The following FNDC1 variants were observed in gnomAD, a reference collection of about 807,000 sequenced individuals.
FNDC1 encodes fibronectin type III domain containing 1.
In FNDC1, 96 loss-of-function variants were observed where a neutral mutation model predicts 168.0. That is an observed-to-expected ratio of 0.57 (90% CI 0.48 to 0.68). The LOEUF is 0.68. Among genes scored for constraint, FNDC1 ranks in the 30% least tolerant of loss-of-function variants. The pLI, the probability that FNDC1 is intolerant of heterozygous loss-of-function variation, is 0.00. For missense variants in FNDC1, 2,587 were observed against 2,482.1 expected, an observed-to-expected ratio of 1.04 and a Z score of -0.90; for synonymous variants, 1,099 against 1,025.9, an observed-to-expected ratio of 1.07 and a Z score of -1.36.
At chr6:159,227,351 A>G (rs1441717903) in intron 9 of FNDC1, among the ~76,000 whole-genome samples, 1 of 152,214 alleles carries the variant, frequency 6.6e-6, no homozygotes, top group Admixed American at 6.5e-5. Context: ...AATAATTTTT[A>G]TTGTTATTAG....
rs375577455 is a variant in FNDC1, at chr6:159,202,963, C to T, written c.460+2382C>T. Among the ~76,000 whole-genome samples the T allele has an allele frequency of 3.5e-4, 54 of 152,244 alleles. No individual in the cohort carries two copies. In the South Asian group the frequency reaches 9.5e-3, roughly 27 times the overall value. On this transcript the variant is annotated intron_variant, in intron 4 of 22. Transcript: ENST00000297267. ...TATTGGGTCTAGAAGTCCAAAGTCCCGATGTTGGCAGGTTTGATTTCTCCT... is the reference window on the plus strand; with the variant it reads ...TATTGGGTCTAGAAGTCCAAAGTCCTGATGTTGGCAGGTTTGATTTCTCCT...
At chr6:159,187,459 TGTACA>T (rs1375657616) in intron 1 of FNDC1, among the ~76,000 whole-genome samples, 1 of 152,206 alleles carries the variant, frequency 6.6e-6, no homozygotes, top group Non-Finnish European at 1.5e-5. Flanking sequence ...TTTTATTTTT[TGTACA>T]GTTATCCTTA....
chr6:159,200,148 G>T, intron 3 of FNDC1, 66 bp downstream of exon 3: 1 of 1,143,200 alleles, frequency 8.7e-7, no homozygotes, highest in Non-Finnish European at 1.3e-6. Context: ...ATCCCTCCTT[G>T]CTTCTTCCAG....
chr6:159,263,963 C>A (rs118059625), intron 19 of FNDC1, among the ~76,000 whole-genome samples: 4,680 of 152,128 alleles, frequency 0.031, 107 homozygotes, highest in Non-Finnish European at 0.048. Flanking sequence ...CTCAAACAAA[C>A]AAACAAACAA....
intron 16 of FNDC1, among the ~76,000 whole-genome samples, chr6:159,250,114 A>G (rs1047273428): frequency 6.6e-6 from 1 of 152,172 alleles, no homozygotes; most frequent in Non-Finnish European, 1.5e-5. Context: ...TAGCTGTTCC[A>G]CAGAACTCCT....
In FNDC1 at chr6:159,271,668, A is replaced by G; in HGVS notation, c.*226A>G. On this transcript the variant is annotated 3_prime_UTR_variant, in exon 23 of 23. Coordinates refer to ENST00000297267, the MANE Select transcript of FNDC1 (RefSeq NM_032532.3). ...GTTTTGCTGTTAACTTTGCTTCTCTACTTTTTTTTGTTTGTTTGTAATAGC... is the reference window on the plus strand; with the variant it reads ...GTTTTGCTGTTAACTTTGCTTCTCTGCTTTTTTTTGTTTGTTTGTAATAGC... The G allele has an allele frequency of 2.3e-6, 1 of 441,406 alleles. No homozygotes were observed. Among genetic ancestry groups the G allele is most frequent in the Non-Finnish European group, 4.1e-6 (1 of 241,186 alleles). The allele number at this position is 441,406 out of a possible 1,614,324, so 27.3% of individuals were successfully genotyped here. A position where few individuals can be genotyped will look rare whatever the true frequency, so the allele number is the denominator to read the frequency against.
intron 1 of FNDC1, among the ~76,000 whole-genome samples, chr6:159,182,526 C>A (rs1781903202): frequency 6.6e-6 from 1 of 152,194 alleles, no homozygotes; most frequent in Non-Finnish European, 1.5e-5. Context: ...GGGAGGACTT[C>A]CTTTCCCCTG....
chr6:159,190,357 C>T (rs1408274603), intron 1 of FNDC1, among the ~76,000 whole-genome samples: 2 of 152,242 alleles, frequency 1.3e-5, no homozygotes, highest in African/African-American at 2.4e-5. Context: ...GCCTGGTCGG[C>T]CTTCTTTCTT....
chr6:159,269,351 G>A (rs761441196), intron 22 of FNDC1, among the ~76,000 whole-genome samples: 1,191 of 29,840 alleles, frequency 0.04, 55 homozygotes, highest in Non-Finnish European at 0.079. Flanking sequence ...CTATCCATTT[G>A]TTTATCTAGG....
chr6:159,202,685 A>G (rs1782404798), intron 4 of FNDC1, among the ~76,000 whole-genome samples: 1 of 152,232 alleles, frequency 6.6e-6, no homozygotes, highest in African/African-American at 2.4e-5. Context: ...GCTTACAGCT[A>G]TCTCAACTGA....
chr6:159,180,266 G>A (rs909466820), intron 1 of FNDC1, among the ~76,000 whole-genome samples: 1 of 152,024 alleles, frequency 6.6e-6, no homozygotes, highest in East Asian at 1.9e-4. Context: ...CATTCTCCCT[G>A]CGTCTTCTCT....
At chr6:159,196,276 C>T (rs1330913819) in intron 1 of FNDC1, among the ~76,000 whole-genome samples, 1 of 152,186 alleles carries the variant, frequency 6.6e-6, no homozygotes, top group Non-Finnish European at 1.5e-5. Flanking sequence ...AATAGACATT[C>T]TTTCTCTAAC....
Position 159,225,646 on chromosome 6 carries a change from A to G in FNDC1, c.996A>G (p.Glu332=). The change falls in exon 8 of 23, where the codon GAA becomes GAG. Residue 332 remains glutamate, a synonymous_variant. Coordinates refer to ENST00000297267, the MANE Select transcript of FNDC1 (RefSeq NM_032532.3). ...ACCTGATTCCAGACACTGTGTATGA[A>G]TTTGCAGTCCGTATTTCACAGGGTG... ...IENLIPDTVY[E]FAVRISQGER... The G allele has an allele frequency of 4.3e-6, 7 of 1,613,984 alleles. No homozygotes were observed. Among genetic ancestry groups the G allele is most frequent in the Non-Finnish European group, 5.1e-6 (6 of 1,179,882 alleles).
At chr6:159,222,132 G>A (rs1468566681) in intron 6 of FNDC1, among the ~76,000 whole-genome samples, 2 of 152,196 alleles carry the variant, frequency 1.3e-5, no homozygotes, top group African/African-American at 2.4e-5. Flanking sequence ...CTCAGAAAAA[G>A]CATCATAGTG....
At chr6:159,194,065 C>G (rs1052947495) in intron 1 of FNDC1, among the ~76,000 whole-genome samples, 11 of 152,204 alleles carry the variant, frequency 7.2e-5, no homozygotes, top group African/African-American at 1.2e-4. Flanking sequence ...ATAGCAGGCT[C>G]TTACTGGCTT....
Position 159,236,544 on chromosome 6 carries a change from G to T in FNDC1, c.4068+229G>T, listed in dbSNP as rs575770536. Among the ~76,000 whole-genome samples, 49 of 152,280 alleles carry T rather than the reference G, an allele frequency of 3.2e-4. 1 individual carries two copies. In the South Asian group the frequency reaches 0.01, roughly 32 times the overall value. ...TAGCCAAGATAAGGCATGGGCCTTC[G>T]TTTTTCATTTGCCTTGACTGGTTAG... On this transcript the variant is annotated intron_variant, in intron 12 of 22. Coordinates refer to ENST00000297267, the MANE Select transcript of FNDC1 (RefSeq NM_032532.3).
chr6:159,221,041 C>T (rs1313573938), intron 5 of FNDC1, among the ~76,000 whole-genome samples: 2 of 152,192 alleles, frequency 1.3e-5, no homozygotes, highest in African/African-American at 4.8e-5. Flanking sequence ...TTAAAGTCTT[C>T]CATGTGCTGT....
At chr6:159,262,727 C>T (rs1381892141) in intron 19 of FNDC1, among the ~76,000 whole-genome samples, 1 of 152,220 alleles carries the variant, frequency 6.6e-6, no homozygotes, top group East Asian at 1.9e-4. Flanking sequence ...CTTCTACCTT[C>T]TCCTCCAAGA....
intron 14 of FNDC1, among the ~76,000 whole-genome samples, chr6:159,244,824 C>T (rs1192599414): frequency 6.6e-6 from 1 of 152,206 alleles, no homozygotes; most frequent in Non-Finnish European, 1.5e-5. Context: ...CTGCATGTCT[C>T]AGGCATGCTG....
Sources: gnomAD v4.1 joint callset for allele counts (sites outside exome capture counted in the v4.1 genomes callset) on GRCh38, gnomAD v4.1.1 for gene constraint, MANE v1.5 for transcripts, NCBI Gene and HGNC (gene_info 2026-07-23, HGNC 2026-07-21) for gene names.